CDH13: variants seen among roughly 807,000 people sequenced by gnomAD.
CDH13 encodes the protein cadherin 13.
A neutral mutation model predicts 63.8 loss-of-function variants in CDH13; 24 were observed. That is an observed-to-expected ratio of 0.38 (90% CI 0.27 to 0.53). The LOEUF (loss-of-function observed/expected upper bound fraction) is 0.53, where lower values mean the gene tolerates loss of function less well. Ranked by LOEUF, CDH13 falls within the 20% of genes least tolerant of loss-of-function variation. The pLI, the probability that CDH13 is intolerant of heterozygous loss-of-function variation, is 0.85. For missense variants in CDH13, 1,049 were observed against 903.1 expected, an observed-to-expected ratio of 1.16 and a Z score of -2.07; for synonymous variants, 503 against 355.3, an observed-to-expected ratio of 1.42 and a Z score of -4.67.
At chr16:82,982,096 A>G (rs965656798) in intron 2 of CDH13, among the ~76,000 whole-genome samples, 1 of 152,196 alleles carries the variant, frequency 6.6e-6, no homozygotes, top group Non-Finnish European at 1.5e-5. Context: ...TAATAAGTGT[A>G]TGATCTTAGG....
At chr16:83,783,114 A>G (rs1915641933) in intron 12 of CDH13, 140 bp from the exon 13 acceptor site, 3 of 647,484 alleles carry the variant, frequency 4.6e-6, no homozygotes, top group Non-Finnish European at 5.5e-6. Flanking sequence ...ACTTGATGTT[A>G]ATGAATTTAA....
intron 4 of CDH13, among the ~76,000 whole-genome samples, chr16:83,160,883 T>G (rs1410543490): frequency 6.6e-6 from 1 of 152,194 alleles, no homozygotes; most frequent in African/African-American, 2.4e-5. Flanking sequence ...TTGTCTGGGA[T>G]GTTATGTCTA....
At chr16:83,169,931 C>T (rs571597236) in intron 4 of CDH13, among the ~76,000 whole-genome samples, 1 of 152,180 alleles carries the variant, frequency 6.6e-6, no homozygotes, top group Admixed American at 6.6e-5. Context: ...ATTCTTCAGT[C>T]CCTCTAGATC....
chr16:83,141,132 C>A (rs576266910), intron 4 of CDH13, among the ~76,000 whole-genome samples: 12 of 152,338 alleles, frequency 7.9e-5, no homozygotes, highest in Non-Finnish European at 1.6e-4. Flanking sequence ...TCTCCCTCTC[C>A]TGATTCAGTG....
chr16:83,071,073 G>A (rs1255378789), intron 3 of CDH13, among the ~76,000 whole-genome samples: 1 of 152,130 alleles, frequency 6.6e-6, no homozygotes, highest in Non-Finnish European at 1.5e-5. Context: ...TCCTAGGCAT[G>A]AGACACCATG....
At position 83,800,333 on chromosome 16, in the gene CDH13, TAG is replaced by T. The variant is rs1217720401; in HGVS notation, c.*5308_*5309del. On this transcript the variant is annotated 3_prime_UTR_variant, in exon 14 of 14. Transcript: ENST00000567109. ...CGTACACATGAATTCAGACTATTAT[TAG>T]AGAGTTATATCTGTGTTGTCATGCA... 1 of 152,220 alleles carries T rather than the reference TAG, an allele frequency of 6.6e-6. No homozygotes were observed. The highest frequency in any genetic ancestry group is 1.5e-5 in the Non-Finnish European group (1 of 68,034). The allele number at this position is 152,220 out of a possible 1,614,324, so 9.4% of individuals were successfully genotyped here. A position where few individuals can be genotyped will look rare whatever the true frequency, so the allele number is the denominator to read the frequency against.
chr16:83,437,150 C>T (rs551636972), intron 6 of CDH13, among the ~76,000 whole-genome samples: 98 of 152,084 alleles, frequency 6.4e-4, no homozygotes, highest in African/African-American at 2.2e-3. Context: ...CAGGAGAGGC[C>T]ATGGTGTATA....
At chr16:83,538,287 A>C (rs11640984) in intron 7 of CDH13, among the ~76,000 whole-genome samples, 27,385 of 152,130 alleles carry the variant, frequency 0.18, 2,797 homozygotes, top group Middle Eastern at 0.28. Flanking sequence ...TTTCAGATTT[A>C]TTTTGGTTTA....
chr16:83,713,006 T>C (rs1362005374), intron 10 of CDH13, among the ~76,000 whole-genome samples: 1 of 152,264 alleles, frequency 6.6e-6, no homozygotes, highest in Non-Finnish European at 1.5e-5. Context: ...TGCTTTCAAA[T>C]ACTAGTATAA....
intron 2 of CDH13, among the ~76,000 whole-genome samples, chr16:82,928,067 G>C (rs779520536): frequency 2.6e-5 from 4 of 152,104 alleles, no homozygotes; most frequent in Non-Finnish European, 4.4e-5. Context: ...GCCTCTCAGC[G>C]AGAGTAGCAG....
At chr16:83,158,108 T>C (rs909377305) in intron 4 of CDH13, among the ~76,000 whole-genome samples, 1 of 152,006 alleles carries the variant, frequency 6.6e-6, no homozygotes, top group Non-Finnish European at 1.5e-5. Context: ...GGCACTGAGC[T>C]AGGTAAATTC....
chr16:83,458,977 A>G (rs779102994), intron 6 of CDH13, among the ~76,000 whole-genome samples: 10 of 152,168 alleles, frequency 6.6e-5, no homozygotes, highest in Admixed American at 3.3e-4. Flanking sequence ...TGAAACGACA[A>G]TTTTTCATGG....
chr16:82,869,948 A>G (rs569675528), intron 2 of CDH13, among the ~76,000 whole-genome samples: 1 of 152,308 alleles, frequency 6.6e-6, no homozygotes, highest in Non-Finnish European at 1.5e-5. Context: ...CCTGAGAAGC[A>G]TGGGAAACTG....
intron 4 of CDH13, among the ~76,000 whole-genome samples, chr16:83,146,433 C>T (rs982493659): frequency 6.6e-6 from 1 of 152,314 alleles, no homozygotes; most frequent in African/African-American, 2.4e-5. Flanking sequence ...GGACCAGCAT[C>T]TCTGCAATTT....
chr16:83,534,408 C>T (rs575828276), intron 7 of CDH13, among the ~76,000 whole-genome samples: 3 of 152,264 alleles, frequency 2.0e-5, no homozygotes, highest in African/African-American at 4.8e-5. Flanking sequence ...TTCATGGGGC[C>T]GTTACAAGCA....
chr16:83,243,325 G>C (rs1174320193), intron 5 of CDH13, among the ~76,000 whole-genome samples: 1 of 152,176 alleles, frequency 6.6e-6, no homozygotes, highest in Non-Finnish European at 1.5e-5. Context: ...GATGGTGGAA[G>C]GTGAGAGGCA....
At chr16:83,127,156 C>T (rs2035847101) in intron 4 of CDH13, among the ~76,000 whole-genome samples, 1 of 152,140 alleles carries the variant, frequency 6.6e-6, no homozygotes, top group South Asian at 2.1e-4. Context: ...AGTAGAGTCG[C>T]AACATGCCTG....
intron 6 of CDH13, among the ~76,000 whole-genome samples, chr16:83,419,526 A>G (rs1352098504): frequency 6.6e-6 from 1 of 152,234 alleles, no homozygotes; most frequent in Non-Finnish European, 1.5e-5. Context: ...ATAGCCAACC[A>G]AGACATTACA....
intron 1 of CDH13, among the ~76,000 whole-genome samples, chr16:82,722,760 C>G (rs1283320139): frequency 6.6e-6 from 1 of 152,128 alleles, no homozygotes; most frequent in Non-Finnish European, 1.5e-5. Flanking sequence ...GTGAATAATT[C>G]AGTTCCTATC....
Sources: allele counts gnomAD v4.1 joint callset (sites outside exome capture counted in the v4.1 genomes callset), GRCh38; gene constraint gnomAD v4.1.1; transcripts MANE v1.5; gene names NCBI Gene and HGNC (gene_info 2026-07-23, HGNC 2026-07-21).